GSG1L: variants seen among roughly 807,000 people sequenced by gnomAD.
The protein encoded by GSG1L is germ cell-specific gene 1-like protein.
A neutral mutation model predicts 42.1 loss-of-function variants in GSG1L; 24 were observed. That is an observed-to-expected ratio of 0.57 (90% CI 0.41 to 0.80). GSG1L has a LOEUF of 0.80. Ranked by LOEUF, GSG1L falls within the 30% of genes least tolerant of loss-of-function variation. The probability of loss-of-function intolerance (pLI) is 0.00; values close to 1 mark genes in which losing one functional copy is unlikely to be tolerated. For missense variants in GSG1L, 445 were observed against 472.2 expected, an observed-to-expected ratio of 0.94 and a Z score of 0.53; for synonymous variants, 215 against 203.5, an observed-to-expected ratio of 1.06 and a Z score of -0.48.
intron 1 of GSG1L, among the ~76,000 whole-genome samples, chr16:27,982,802 C>T (rs1019223182): frequency 1.2e-4 from 19 of 152,280 alleles, no homozygotes; most frequent in Admixed American, 9.8e-4. Flanking sequence ...GTTTCTTTAA[C>T]AACCAGATCT....
chr16:27,840,397 A>T (rs1376319031), intron 4 of GSG1L, among the ~76,000 whole-genome samples: 1 of 151,788 alleles, frequency 6.6e-6, no homozygotes, highest in Non-Finnish European at 1.5e-5. Flanking sequence ...CTCGGCCCCA[A>T]CCTTAATCTG....
chr16:27,889,785 G>T (rs2084102710), intron 2 of GSG1L, among the ~76,000 whole-genome samples: 1 of 152,048 alleles, frequency 6.6e-6, no homozygotes, highest in South Asian at 2.1e-4. Context: ...GTCTCCCCAG[G>T]GAGCATTTCC....
rs200609695 is a variant in GSG1L at position 27,933,726 on chromosome 16, C to T, written c.397+29430G>A. 2.0e-5 allele frequency among the ~76,000 whole-genome samples: 3 copies of T among 150,162 alleles called. No individual in the cohort carries two copies. The East Asian group carries it at 5.9e-4, about 29-fold the overall frequency. On this transcript the variant is annotated intron_variant, in intron 2 of 6. Transcript: ENST00000447459. ...CTGAAGACTTCTTTGACCCTCAGAA[C>T]CCCAGAACCTCCCTTCTGGAAGAAA...
At chr16:27,822,112 G>A (rs1443008604) in intron 5 of GSG1L, among the ~76,000 whole-genome samples, 2 of 151,898 alleles carry the variant, frequency 1.3e-5, no homozygotes, top group Non-Finnish European at 2.9e-5. Flanking sequence ...GGGGCAGGGA[G>A]AGGGGAACCC....
At chr16:27,883,618 C>T (rs1238608775) in intron 3 of GSG1L, among the ~76,000 whole-genome samples, 7 of 152,176 alleles carry the variant, frequency 4.6e-5, no homozygotes, top group East Asian at 1.9e-4. Flanking sequence ...TCTTCCAATG[C>T]GTGAAGAATA....
At chr16:27,848,502 A>G (rs988816296) in intron 3 of GSG1L, among the ~76,000 whole-genome samples, 2 of 152,180 alleles carry the variant, frequency 1.3e-5, no homozygotes, top group African/African-American at 4.8e-5. Context: ...GCCAACGAAT[A>G]TTTAGCAAAG....
intron 2 of GSG1L, among the ~76,000 whole-genome samples, chr16:27,904,475 T>C (rs1176499305): frequency 6.6e-6 from 1 of 152,136 alleles, no homozygotes; most frequent in East Asian, 1.9e-4. Context: ...CTTTCCTTTT[T>C]ATTTTTTTCC....
In GSG1L at chr16:27,787,753, C is replaced by A. The variant is rs754597704; in HGVS notation, c.*3617G>T. 2.4e-4 allele frequency: 37 copies of A among 152,156 alleles called. No individual in the cohort carries two copies. The highest frequency in any genetic ancestry group is 8.7e-4 in the African/African-American group (36 of 41,440). The allele number at this position is 152,156 out of a possible 1,614,324, so 9.4% of individuals were successfully genotyped here. On this transcript the variant is annotated 3_prime_UTR_variant, in exon 7 of 7. Transcript: ENST00000447459. ...CTACAATCATCTCCTGGACCTCCTG[C>A]GGTCCACTCGCCAACTTCAGAAGGA...
chr16:27,951,221 T>G (rs1371901501), intron 2 of GSG1L, among the ~76,000 whole-genome samples: 1 of 152,006 alleles, frequency 6.6e-6, no homozygotes, highest in African/African-American at 2.4e-5. Context: ...CCAGGCATCA[T>G]AGGAAGATTC....
At chr16:27,999,912 A>C (rs1349463152) in intron 1 of GSG1L, among the ~76,000 whole-genome samples, 28 of 152,202 alleles carry the variant, frequency 1.8e-4, no homozygotes, top group Admixed American at 1.8e-3. Context: ...CATTGGCCAG[A>C]CTAGTCACAT....
chr16:27,839,967 G>A (rs1284118335), intron 4 of GSG1L, among the ~76,000 whole-genome samples: 1 of 152,092 alleles, frequency 6.6e-6, no homozygotes, highest in Non-Finnish European at 1.5e-5. Context: ...ACAGGACCAG[G>A]CAACTCGGGG....
At chr16:28,021,762 C>T (rs956071588) in intron 1 of GSG1L, among the ~76,000 whole-genome samples, 19 of 152,082 alleles carry the variant, frequency 1.2e-4, no homozygotes, top group African/African-American at 4.1e-4. Context: ...TAATCATTTA[C>T]ATTCATATTC....
At chr16:27,977,495 G>T (rs1002711724) in intron 1 of GSG1L, among the ~76,000 whole-genome samples, 8 of 149,202 alleles carry the variant, frequency 5.4e-5, no homozygotes, top group African/African-American at 2.0e-4. Context: ...GGGAGGCGGA[G>T]GTTGCAGTGA....
chr16:27,960,396 C>G (rs1193716615), intron 2 of GSG1L, among the ~76,000 whole-genome samples: 1 of 152,098 alleles, frequency 6.6e-6, no homozygotes, highest in African/African-American at 2.4e-5. Flanking sequence ...ACAGTAACTA[C>G]CGTATGAAAG....
chr16:28,040,594 A>G lies in GSG1L; in HGVS notation c.349+22482T>C, dbSNP rs975056639. ...AAAAGTCTAATAAATGAACGAATGA[A>G]TGAAATGTCAAGGACGGATGCCCTT... On this transcript the variant is annotated intron_variant, in intron 1 of 6. Coordinates refer to ENST00000447459, the MANE Select transcript of GSG1L (RefSeq NM_001109763.2). The surrounding 1 kb of genome is among the most constrained non-coding windows in gnomAD (Gnocchi z 4.1). Among the ~76,000 whole-genome samples, 15 of 152,356 alleles carry G rather than the reference A, an allele frequency of 9.8e-5. No individual in the cohort carries two copies. Among genetic ancestry groups the G allele is most frequent in the African/African-American group, 3.6e-4 (15 of 41,594 alleles).
At chr16:27,987,524 G>A (rs929563993) in intron 1 of GSG1L, among the ~76,000 whole-genome samples, 4 of 152,198 alleles carry the variant, frequency 2.6e-5, no homozygotes, top group Admixed American at 6.5e-5. Context: ...TATCTTCACA[G>A]CTCTGTCCTC....
intron 5 of GSG1L, among the ~76,000 whole-genome samples, chr16:27,824,442 G>A (rs1036417877): frequency 6.6e-6 from 1 of 152,028 alleles, no homozygotes; most frequent in Non-Finnish European, 1.5e-5. Flanking sequence ...CCTGGCTGCG[G>A]CTCCAAGGAT....
chr16:28,027,458 G>A (rs748698525), intron 1 of GSG1L, among the ~76,000 whole-genome samples: 41 of 152,096 alleles, frequency 2.7e-4, no homozygotes, highest in African/African-American at 8.9e-4. Context: ...TTTCCATAGT[G>A]AGCAGCACCA....
rs1039595595 is a variant in GSG1L at position 28,027,308 on chromosome 16, A to C, written c.349+35768T>G. Among the ~76,000 whole-genome samples, 18 of 152,146 alleles carry C rather than the reference A, an allele frequency of 1.2e-4. 3 individuals are homozygous for C. Among genetic ancestry groups the C allele is most frequent in the Admixed American group, 1.0e-3 (16 of 15,276 alleles). ...TGCAGGCCATGGTGATTGGTTCAGGAATAGACATGTGATATAAATCAGGCC... is the reference window on the plus strand; with the variant it reads ...TGCAGGCCATGGTGATTGGTTCAGGCATAGACATGTGATATAAATCAGGCC... On this transcript the variant is annotated intron_variant, in intron 1 of 6. Coordinates refer to ENST00000447459, the MANE Select transcript of GSG1L (RefSeq NM_001109763.2).
Sources: gnomAD v4.1 joint callset for allele counts (sites outside exome capture counted in the v4.1 genomes callset) on GRCh38, gnomAD v4.1.1 for gene constraint, Gnocchi (gnomAD v3.1) non-coding constraint, MANE v1.5 for transcripts, NCBI Gene and HGNC (gene_info 2026-07-23, HGNC 2026-07-21) for gene names.